Variants in ANO1 observed in about 807,000 individuals in gnomAD.
ANO1 encodes anoctamin-1.
Under a neutral mutation model 124.0 loss-of-function variants are expected in ANO1, and 59 were observed. The observed-to-expected ratio is 0.48, with a 90% CI of 0.39 to 0.59. ANO1 has a LOEUF of 0.59. Ranked by LOEUF, ANO1 falls within the 20% of genes least tolerant of loss-of-function variation. The pLI, the probability that ANO1 is intolerant of heterozygous loss-of-function variation, is 0.00. For missense variants in ANO1, 1,059 were observed against 1,328.0 expected, an observed-to-expected ratio of 0.80 and a Z score of 3.15; for synonymous variants, 529 against 532.0, an observed-to-expected ratio of 0.99 and a Z score of 0.08.
At chr11:70,134,349 C>T (rs1368236631) in intron 11 of ANO1, among the ~76,000 whole-genome samples, 1 of 152,188 alleles carries the variant, frequency 6.6e-6, no homozygotes, top group Non-Finnish European at 1.5e-5. Flanking sequence ...GAAGATTGTT[C>T]AGTGCCGCCT....
In ANO1 at chr11:70,139,182, A is replaced by G. The variant is rs1026647719; in HGVS notation, c.1258+7103A>G. On this transcript the variant is annotated intron_variant, in intron 11 of 25. Coordinates refer to ENST00000355303, the MANE Select transcript of ANO1 (RefSeq NM_018043.7). The stretch of plus-strand genomic sequence containing the variant: ...ATTCTTTTTTATTTTTTATCTTGAG[A>G]CAGAGTGTCTGTCGCCCAGGCTGGA... Among the ~76,000 whole-genome samples the G allele has an allele frequency of 3.3e-5, 5 of 152,070 alleles. No homozygotes were observed. The East Asian group carries it at 9.6e-4, about 29-fold the overall frequency.
intron 1 of ANO1, 95 bp from the exon 2 acceptor site, chr11:70,087,657 A>G: frequency 8.2e-7 from 1 of 1,213,486 alleles, no homozygotes; most frequent in Middle Eastern, 2.4e-4. Flanking sequence ...TGAACGAGTG[A>G]GTGAGGAGTG....
intron 17 of ANO1, 24 bp downstream of exon 17, chr11:70,161,386 T>C (rs772793341): frequency 6.2e-7 from 1 of 1,610,252 alleles, no homozygotes; most frequent in Non-Finnish European, 8.5e-7. Context: ...TTCCAGGTAC[T>C]GTGGCCTGGA....
intron 24 of ANO1, among the ~76,000 whole-genome samples, chr11:70,184,937 G>A (rs1291778967): frequency 6.6e-6 from 1 of 152,132 alleles, no homozygotes; most frequent in African/African-American, 2.4e-5. Flanking sequence ...TGCAGAGACA[G>A]GGTTTTACTG....
At chr11:70,144,225 A>T (rs1223437735) in intron 11 of ANO1, among the ~76,000 whole-genome samples, 2 of 152,218 alleles carry the variant, frequency 1.3e-5, no homozygotes, top group Admixed American at 6.5e-5. Flanking sequence ...GAGCCTCTCA[A>T]GGGGACACGT....
chr11:70,121,129 C>T (rs895828931), intron 8 of ANO1, among the ~76,000 whole-genome samples: 1 of 152,110 alleles, frequency 6.6e-6, no homozygotes, highest in Admixed American at 6.5e-5. Flanking sequence ...CCTCCTCCCC[C>T]GGTGCAGAGC....
chr11:70,144,967 G>T (rs1289935859), intron 11 of ANO1, among the ~76,000 whole-genome samples: 1 of 152,214 alleles, frequency 6.6e-6, no homozygotes, highest in Non-Finnish European at 1.5e-5. Context: ...AAAGCACCGT[G>T]TCCAGCGCCT....
At chr11:70,146,776 AG>A (rs1473347038) in intron 11 of ANO1, among the ~76,000 whole-genome samples, 1 of 152,196 alleles carries the variant, frequency 6.6e-6, no homozygotes, top group Non-Finnish European at 1.5e-5. Context: ...TAAGTCCAAG[AG>A]TCCAAAAGCC....
chr11:70,167,935 A>T (rs185358471), intron 21 of ANO1, among the ~76,000 whole-genome samples: 6 of 152,184 alleles, frequency 3.9e-5, no homozygotes, highest in Admixed American at 3.9e-4. Flanking sequence ...CCTGGTGGTG[A>T]GCTCCTGAGT....
intron 16 of ANO1, among the ~76,000 whole-genome samples, chr11:70,160,066 T>A (rs933578091): frequency 1.3e-5 from 2 of 151,932 alleles, no homozygotes; most frequent in Non-Finnish European, 2.9e-5. Context: ...CATCCCAGGC[T>A]GCAACTGGGA....
chr11:70,188,198 TA>T lies in ANO1; in HGVS notation c.*195del, dbSNP rs1271291765. The T allele has an allele frequency of 1.5e-6, 1 of 674,790 alleles. No individual in the cohort carries two copies. The highest frequency in any genetic ancestry group is 2.5e-6 in the Non-Finnish European group (1 of 407,572). The allele number at this position is 674,790 out of a possible 1,614,324, so 41.8% of individuals were successfully genotyped here. A position where few individuals can be genotyped will look rare whatever the true frequency, so the allele number is the denominator to read the frequency against. ...TTCCCTTGTTTTTGCACAAAGCCATTATGCAGGGAATATTTTTTAATCTGTA... is the reference window on the plus strand; with the variant it reads ...TTCCCTTGTTTTTGCACAAAGCCATTTGCAGGGAATATTTTTTAATCTGTA... On this transcript the variant is annotated 3_prime_UTR_variant, in exon 26 of 26. Coordinates refer to ENST00000355303, the MANE Select transcript of ANO1 (RefSeq NM_018043.7).
chr11:69,981,357 G>A (rs782662613), upstream of ANO1, among the ~76,000 whole-genome samples: 6 of 152,214 alleles, frequency 3.9e-5, no homozygotes, highest in Non-Finnish European at 5.9e-5. Flanking sequence ...ATAGGAGCAC[G>A]TACTACGTAG....
intron 1 of ANO1, among the ~76,000 whole-genome samples, chr11:69,995,943 A>G (rs4980712): frequency 6.6e-6 from 1 of 151,546 alleles, no homozygotes; most frequent in Admixed American, 6.6e-5. Flanking sequence ...GAAACCCTGT[A>G]TCTACTAAAA....
rs1432604573 is a variant in ANO1 at position 70,107,490 on chromosome 11, C to CGGGGGGGGGGG, written c.748-861_748-860insGGGGGGGGGGG. The stretch of plus-strand genomic sequence containing the variant: ...TTGGGACAGGTGGGTCCAGTGGAGG[C>CGGGGGGGGGGG]GGCGGGGCGGGGAAGCGGTCAGATG... On this transcript the variant is annotated intron_variant, in intron 5 of 25. Transcript: ENST00000355303. Among the ~76,000 whole-genome samples the CGGGGGGGGGGG allele has an allele frequency of 2.1e-3, 135 of 63,382 alleles. 7 individuals are homozygous for CGGGGGGGGGGG. The highest frequency in any genetic ancestry group is 4.6e-3 in the East Asian group (9 of 1,948). 41.6% of individuals were successfully genotyped at this position (63,382 alleles called of 152,430 possible).
rs1555000776 is a variant in ANO1, at chr11:70,010,150, T to C, written c.58+23984T>C. On this transcript the variant is annotated intron_variant, in intron 1 of 27. Transcript: ENST00000531349. ...GTATTCCATGGTGTGTGTGTGTGTG[T>C]GTGTGTGTGTGTGTGCGCGTGTGTG... 6.1e-3 allele frequency among the ~76,000 whole-genome samples: 367 copies of C among 60,590 alleles called. 35 individuals carry two copies. The highest frequency in any genetic ancestry group is 0.02 in the African/African-American group (351 of 17,588). 39.7% of individuals were successfully genotyped at this position (60,590 alleles called of 152,430 possible). A position where few individuals can be genotyped will look rare whatever the true frequency, so the allele number is the denominator to read the frequency against.
intron 19 of ANO1, among the ~76,000 whole-genome samples, chr11:70,163,864 G>A (rs1379289188): frequency 1.3e-5 from 2 of 151,622 alleles, no homozygotes; most frequent in Admixed American, 1.3e-4. Context: ...CTTGAACCTG[G>A]AAGATGGAGG....
At chr11:70,099,626 C>A (rs1041115951) in intron 2 of ANO1, among the ~76,000 whole-genome samples, 2 of 152,182 alleles carry the variant, frequency 1.3e-5, no homozygotes, top group Non-Finnish European at 2.9e-5. Flanking sequence ...ACCTCCACCT[C>A]TCCAGCCTCA....
chr11:70,132,208 G>T, intron 11 of ANO1, 129 bp downstream of exon 11: 2 of 1,272,212 alleles, frequency 1.6e-6, no homozygotes, highest in Non-Finnish European at 2.1e-6. Flanking sequence ...AGGGGAAGGG[G>T]GCTGGTGGAA....
intron 1 of ANO1, among the ~76,000 whole-genome samples, chr11:70,035,930 G>A (rs1015032626): frequency 3.3e-5 from 5 of 152,132 alleles, no homozygotes; most frequent in Admixed American, 6.5e-5. Flanking sequence ...ATCATTGATA[G>A]GCATTTAGGT....
Sources: gnomAD v4.1 joint callset for allele counts (sites outside exome capture counted in the v4.1 genomes callset) on GRCh38, gnomAD v4.1.1 for gene constraint, MANE v1.5 for transcripts, NCBI Gene and HGNC (gene_info 2026-07-23, HGNC 2026-07-21) for gene names.